Variants in DDAH1 observed in about 807,000 individuals in gnomAD.
DDAH1 encodes dimethylarginine dimethylaminohydrolase 1.
DDAH1 carries 19 observed loss-of-function variants against 28.8 expected under a neutral mutation model. That is an observed-to-expected ratio of 0.66 (90% CI 0.46 to 0.97). The LOEUF (loss-of-function observed/expected upper bound fraction) is 0.97. Among genes scored for constraint, DDAH1 ranks in the 50% least tolerant of loss-of-function variants. DDAH1 has a pLI of 0.00. For missense variants in DDAH1, 326 were observed against 375.9 expected, an observed-to-expected ratio of 0.87 and a Z score of 1.10; for synonymous variants, 153 against 154.4, an observed-to-expected ratio of 0.99 and a Z score of 0.07.
chr1:85,374,541 T>C (rs753931648), intron 1 of DDAH1, among the ~76,000 whole-genome samples: 1 of 152,046 alleles, frequency 6.6e-6, no homozygotes, highest in Non-Finnish European at 1.5e-5. Flanking sequence ...AGGTAACATA[T>C]CCCATCCCAC....
intron 1 of DDAH1, among the ~76,000 whole-genome samples, chr1:85,516,030 GTTGT>G (rs1222631162): frequency 1.3e-5 from 2 of 152,030 alleles, no homozygotes; most frequent in Admixed American, 6.6e-5. Flanking sequence ...TTGTTTCTGT[GTTGT>G]TTGTGTCCTA....
chr1:85,520,328 T>C (rs1466961381), intron 1 of DDAH1, among the ~76,000 whole-genome samples: 2 of 152,232 alleles, frequency 1.3e-5, no homozygotes, highest in African/African-American at 4.8e-5. Context: ...ATAGAGATGC[T>C]GACCTAATGG....
At chr1:85,444,322 G>A (rs1654335872) in intron 1 of DDAH1, among the ~76,000 whole-genome samples, 1 of 152,142 alleles carries the variant, frequency 6.6e-6, no homozygotes. Context: ...TACGTTTATT[G>A]ATTTGCATTT....
chr1:85,420,315 A>C (rs1293960944), intron 1 of DDAH1, among the ~76,000 whole-genome samples: 1 of 152,248 alleles, frequency 6.6e-6, no homozygotes, highest in Non-Finnish European at 1.5e-5. Context: ...GTGGTTGCTC[A>C]GCAGCCACAT....
chr1:85,530,288 C>T (rs1282004747), intron 1 of DDAH1, among the ~76,000 whole-genome samples: 1 of 152,200 alleles, frequency 6.6e-6, no homozygotes, highest in Admixed American at 6.5e-5. Flanking sequence ...TAATCATCCT[C>T]CTTCAGGTAT....
At chr1:85,506,624 T>C (rs1032067547) in intron 1 of DDAH1, among the ~76,000 whole-genome samples, 4 of 152,174 alleles carry the variant, frequency 2.6e-5, no homozygotes, top group Non-Finnish European at 5.9e-5. Flanking sequence ...GTTTGTGACC[T>C]AGGTAGAGCT....
At chr1:85,548,799 T>G (rs971807830) in intron 1 of DDAH1, among the ~76,000 whole-genome samples, 62 of 152,348 alleles carry the variant, frequency 4.1e-4, no homozygotes, top group African/African-American at 1.4e-3. Context: ...TACACAAAAG[T>G]GAATATCCTC....
chr1:85,340,600 C>A (rs1313465030), intron 4 of DDAH1, among the ~76,000 whole-genome samples: 1 of 152,174 alleles, frequency 6.6e-6, no homozygotes, highest in African/African-American at 2.4e-5. Flanking sequence ...TTCACAGCTA[C>A]TTTCCTAGTC....
intron 1 of DDAH1, among the ~76,000 whole-genome samples, chr1:85,569,417 A>G (rs967582096): frequency 6.6e-6 from 1 of 152,240 alleles, no homozygotes; most frequent in African/African-American, 2.4e-5. Context: ...CAAAGGATCA[A>G]AACCTGGCCC....
chr1:85,347,422 A>C (rs1648924614), intron 4 of DDAH1, among the ~76,000 whole-genome samples: 1 of 152,216 alleles, frequency 6.6e-6, no homozygotes, highest in Non-Finnish European at 1.5e-5. Context: ...TACACCATGG[A>C]ATACTATGCA....
At chr1:85,321,907 A>ATT (rs1231817445) in intron 5 of DDAH1, among the ~76,000 whole-genome samples, 1 of 151,980 alleles carries the variant, frequency 6.6e-6, no homozygotes, top group Non-Finnish European at 1.5e-5. Flanking sequence ...TTCACACTTT[A>ATT]TTTTTATTTA....
chr1:85,464,253 G>A lies in DDAH1; in HGVS notation c.303+490C>T, dbSNP rs568428389. 6.6e-6 allele frequency among the ~76,000 whole-genome samples: 1 copy of A among 152,206 alleles called. No homozygotes were observed. Among genetic ancestry groups the A allele is most frequent in the East Asian group, 1.9e-4 (1 of 5,156 alleles). On this transcript the variant is annotated intron_variant, in intron 1 of 5. Coordinates refer to ENST00000284031, the MANE Select transcript of DDAH1 (RefSeq NM_012137.4). This position sits in a 1 kb window ranked among gnomAD's most constrained non-coding sequence, Gnocchi z 4.4. ...TAACTTGAGAAGCCCCAGGTCTGTG[G>A]GCACCGACACCCCGTTAATTCATCC...
rs566484441 is a variant in DDAH1 at position 85,373,669 on chromosome 1, C to T, written c.304-14822G>A. Reference sequence around the variant, plus strand: ...ACTGTGAATCAAATAAATCTCTTTCCTGTATAAATTACCCAGTCTTGGGTA... The same window carrying T: ...ACTGTGAATCAAATAAATCTCTTTCTTGTATAAATTACCCAGTCTTGGGTA... On this transcript the variant is annotated intron_variant, in intron 1 of 5. Coordinates refer to ENST00000284031, the MANE Select transcript of DDAH1 (RefSeq NM_012137.4). Among the ~76,000 whole-genome samples, 118 of 152,206 alleles carry T rather than the reference C, an allele frequency of 7.8e-4. 1 individual carries two copies. The Middle Eastern group carries it at 0.01, about 13-fold the overall frequency.
chr1:85,368,287 T>A (rs1650181568), intron 1 of DDAH1, among the ~76,000 whole-genome samples: 1 of 152,122 alleles, frequency 6.6e-6, no homozygotes, highest in African/African-American at 2.4e-5. Context: ...GCATATAGCA[T>A]CTAGGAAGAT....
chr1:85,521,454 T>G (rs1248929337), intron 1 of DDAH1, among the ~76,000 whole-genome samples: 1 of 151,824 alleles, frequency 6.6e-6, no homozygotes, highest in African/African-American at 2.4e-5. Context: ...CAGTGTGAAC[T>G]CATGCTGTCT....
chr1:85,407,356 G>A (rs1005004657), intron 1 of DDAH1, among the ~76,000 whole-genome samples: 2 of 152,158 alleles, frequency 1.3e-5, no homozygotes, highest in South Asian at 4.1e-4. Context: ...GATTTAGCTT[G>A]AGTGTGCAGG....
At chr1:85,458,622 C>T (rs1655002848) in intron 1 of DDAH1, among the ~76,000 whole-genome samples, 1 of 151,942 alleles carries the variant, frequency 6.6e-6, no homozygotes, top group African/African-American at 2.4e-5. Flanking sequence ...ATTATGCCTG[C>T]TTGTCCATTC....
chr1:85,354,834 G>C (rs1649409071), intron 2 of DDAH1, among the ~76,000 whole-genome samples: 1 of 151,904 alleles, frequency 6.6e-6, no homozygotes, highest in Admixed American at 6.6e-5. Context: ...GCTTACATTA[G>C]AGAAGATGAA....
Position 85,553,925 on chromosome 1 carries a change from G to A in DDAH1, c.-123+24059C>T, listed in dbSNP as rs78687145. On this transcript the variant is annotated intron_variant, in intron 1 of 6. Coordinates refer to the DDAH1 transcript ENST00000426972. ...GAGGGACTTTCTGGGGATTCTGGCT[G>A]GGAGTTGTCTGTCTTGGTTCATAAG... 3.3e-4 allele frequency among the ~76,000 whole-genome samples: 51 copies of A among 152,328 alleles called. 1 individual carries two copies. In the East Asian group the frequency reaches 9.4e-3, roughly 28 times the overall value.
Sources: allele counts gnomAD v4.1 joint callset (sites outside exome capture counted in the v4.1 genomes callset), GRCh38; gene constraint gnomAD v4.1.1; non-coding constraint Gnocchi (gnomAD v3.1); transcripts MANE v1.5; gene names NCBI Gene and HGNC (gene_info 2026-07-23, HGNC 2026-07-21).